The following SLC2A13 variants were observed in gnomAD, a reference collection of about 807,000 sequenced individuals.
SLC2A13 encodes proton myo-inositol cotransporter.
A neutral mutation model predicts 64.4 loss-of-function variants in SLC2A13; 32 were observed. The observed-to-expected ratio is 0.50, with a 90% CI of 0.37 to 0.67. The LOEUF (loss-of-function observed/expected upper bound fraction) is 0.67, where lower values mean the gene tolerates loss of function less well. SLC2A13 is among the 30% of genes least tolerant of loss of function. The probability of loss-of-function intolerance (pLI) is 0.00; values close to 1 mark genes in which losing one functional copy is unlikely to be tolerated. For synonymous variants in SLC2A13, 338 were observed against 327.1 expected, an observed-to-expected ratio of 1.03 and a Z score of -0.36; for missense variants, 743 against 829.2, an observed-to-expected ratio of 0.90 and a Z score of 1.28.
chr12:40,050,483 A>G (rs751437981), intron 1 of SLC2A13, among the ~76,000 whole-genome samples: 7 of 152,208 alleles, frequency 4.6e-5, no homozygotes, highest in African/African-American at 7.2e-5. Flanking sequence ...AGACAGACTC[A>G]TTGGATTTGG....
chr12:39,777,904 C>T (rs1444059245), intron 7 of SLC2A13, among the ~76,000 whole-genome samples: 2 of 152,206 alleles, frequency 1.3e-5, no homozygotes, highest in Non-Finnish European at 2.9e-5. Flanking sequence ...CCCTAGGATA[C>T]AGAAAGCCCT....
At chr12:40,066,390 A>C (rs559416506) in intron 1 of SLC2A13, among the ~76,000 whole-genome samples, 1 of 152,340 alleles carries the variant, frequency 6.6e-6, no homozygotes, top group African/African-American at 2.4e-5. Flanking sequence ...GGTCAGAGAA[A>C]TAACATGCAC....
intron 4 of SLC2A13, among the ~76,000 whole-genome samples, chr12:39,901,741 G>T (rs1376243290): frequency 1.5e-5 from 2 of 136,860 alleles, no homozygotes; most frequent in Non-Finnish European, 3.1e-5. Flanking sequence ...GACACTGTTG[G>T]TGGGACTGTA....
At chr12:39,980,372 G>C (rs1054455933) in intron 3 of SLC2A13, among the ~76,000 whole-genome samples, 1 of 152,004 alleles carries the variant, frequency 6.6e-6, no homozygotes, top group African/African-American at 2.4e-5. Flanking sequence ...AAAAGACACA[G>C]ACTGGCAAGT....
chr12:39,840,864 C>G (rs1943161329), intron 6 of SLC2A13, among the ~76,000 whole-genome samples: 1 of 152,028 alleles, frequency 6.6e-6, no homozygotes, highest in African/African-American at 2.4e-5. Flanking sequence ...CAATAAATAC[C>G]TGTTGAGTAA....
At chr12:39,929,567 AG>A (rs1434448107) in intron 4 of SLC2A13, among the ~76,000 whole-genome samples, 1 of 151,734 alleles carries the variant, frequency 6.6e-6, no homozygotes, top group African/African-American at 2.4e-5. Context: ...AAAAAGCAAA[AG>A]ACATGTAATA....
At chr12:39,956,096 C>T (rs1946310204) in intron 3 of SLC2A13, among the ~76,000 whole-genome samples, 1 of 152,118 alleles carries the variant, frequency 6.6e-6, no homozygotes, top group Non-Finnish European at 1.5e-5. Flanking sequence ...GTATCATGAA[C>T]AACTTTATGC....
chr12:39,993,947 G>T lies in SLC2A13; in HGVS notation c.925+34354C>A, dbSNP rs141336855. Among the ~76,000 whole-genome samples the T allele has an allele frequency of 9.5e-4, 145 of 152,178 alleles. 4 individuals are homozygous for T. The East Asian group carries it at 0.026, about 28-fold the overall frequency. On this transcript the variant is annotated intron_variant, in intron 3 of 9. Transcript: ENST00000280871. The stretch of plus-strand genomic sequence containing the variant: ...GAGCAAAGGAAACATACACAGATTT[G>T]TTTAATAATAATAATAAAAATTCTC...
rs1244272062 is a variant in SLC2A13, at chr12:39,758,241, A to G, written c.*1785T>C. On this transcript the variant is annotated 3_prime_UTR_variant, in exon 10 of 10. Transcript: ENST00000280871. ...AAACGTTTTTGTTTTTGGTTAATGG[A>G]TTTTTAGGGCACTAAATTGACAGTT... 1 of 151,794 alleles carries G rather than the reference A, an allele frequency of 6.6e-6. No individual in the cohort carries two copies. The highest frequency in any genetic ancestry group is 1.5e-5 in the Non-Finnish European group (1 of 67,728). The allele number at this position is 151,794 out of a possible 1,614,324, so 9.4% of individuals were successfully genotyped here. A position where few individuals can be genotyped will look rare whatever the true frequency, so the allele number is the denominator to read the frequency against.
chr12:39,917,743 A>C (rs1194457216), intron 4 of SLC2A13, among the ~76,000 whole-genome samples: 1 of 152,020 alleles, frequency 6.6e-6, no homozygotes, highest in Non-Finnish European at 1.5e-5. Context: ...TTCAGATGGC[A>C]GACAGTGGGA....
At chr12:39,888,821 C>G (rs1944530102) in intron 4 of SLC2A13, among the ~76,000 whole-genome samples, 1 of 152,134 alleles carries the variant, frequency 6.6e-6, no homozygotes. Context: ...ACTGATGCAA[C>G]TTAACTCTAT....
intron 1 of SLC2A13, among the ~76,000 whole-genome samples, chr12:40,093,636 G>C (rs1475098038): frequency 3.9e-5 from 6 of 152,180 alleles, no homozygotes; most frequent in African/African-American, 1.2e-4. Context: ...AAGAAGAGAT[G>C]CTTGAGGAAA....
At chr12:39,916,637 A>T (rs1945525275) in intron 4 of SLC2A13, among the ~76,000 whole-genome samples, 1 of 152,110 alleles carries the variant, frequency 6.6e-6, no homozygotes, top group Non-Finnish European at 1.5e-5. Context: ...AGAGTTGTAT[A>T]GCTCACCAGG....
intron 3 of SLC2A13, among the ~76,000 whole-genome samples, chr12:40,006,961 T>C (rs1302609934): frequency 6.6e-6 from 1 of 152,254 alleles, no homozygotes; most frequent in Non-Finnish European, 1.5e-5. Flanking sequence ...CACTTACTTC[T>C]GATTCTTCCA....
intron 4 of SLC2A13, among the ~76,000 whole-genome samples, chr12:39,902,483 ATAAAT>A (rs999412471): frequency 5.3e-5 from 8 of 152,076 alleles, no homozygotes; most frequent in Non-Finnish European, 1.0e-4. Flanking sequence ...ACTTCTTGTA[ATAAAT>A]TAAACAGTGG....
chr12:39,915,776 C>T (rs1193675476), intron 4 of SLC2A13, among the ~76,000 whole-genome samples: 1 of 151,526 alleles, frequency 6.6e-6, no homozygotes, highest in Admixed American at 6.6e-5. Flanking sequence ...CTGAGTAGTG[C>T]CAAATTTCAC....
At chr12:39,972,017 T>A (rs1293251913) in intron 3 of SLC2A13, among the ~76,000 whole-genome samples, 8 of 11,614 alleles carry the variant, frequency 6.9e-4, no homozygotes, top group African/African-American at 1.3e-3. Context: ...TATATATATT[T>A]TTTTTTATAT....
intron 1 of SLC2A13, among the ~76,000 whole-genome samples, chr12:40,102,001 A>C (rs1939166943): frequency 6.6e-6 from 1 of 152,184 alleles, no homozygotes; most frequent in Non-Finnish European, 1.5e-5. Flanking sequence ...TTTTCTGGCT[A>C]CATCTACATC....
chr12:39,834,059 G>C (rs73101294), intron 6 of SLC2A13, among the ~76,000 whole-genome samples: 6,632 of 151,944 alleles, frequency 0.044, 442 homozygotes, highest in African/African-American at 0.15. Flanking sequence ...GTACCCTTTT[G>C]TTCTCCACTC....
Sources: allele counts gnomAD v4.1 joint callset (sites outside exome capture counted in the v4.1 genomes callset), GRCh38; gene constraint gnomAD v4.1.1; transcripts MANE v1.5; gene names NCBI Gene and HGNC (gene_info 2026-07-23, HGNC 2026-07-21).